Variants in RYR2 observed in about 807,000 individuals in gnomAD.
The protein encoded by RYR2 is cardiac muscle ryanodine receptor-calcium release channel.
Under a neutral mutation model 601.1 loss-of-function variants are expected in RYR2, and 227 were observed. The ratio of observed to expected loss-of-function variants is 0.38; its 90% CI spans 0.34 to 0.42. The LOEUF (loss-of-function observed/expected upper bound fraction) is 0.42. RYR2 is among the 10% of genes least tolerant of loss of function. The probability of loss-of-function intolerance (pLI) is 1.00; values close to 1 mark genes in which losing one functional copy is unlikely to be tolerated. For synonymous variants in RYR2, 2,223 were observed against 2,175.1 expected (o/e 1.02, Z -0.61); for missense variants, 4,646 against 6,156.5 (o/e 0.75, Z 8.21).
intron 3 of RYR2, among the ~76,000 whole-genome samples, chr1:237,348,811 G>A (rs1287453518): frequency 6.6e-6 from 1 of 151,860 alleles, no homozygotes; most frequent in African/African-American, 2.4e-5. Context: ...AAACAATTGG[G>A]GAATCTACAA....
intron 16 of RYR2, among the ~76,000 whole-genome samples, chr1:237,467,539 C>T (rs1421793880): frequency 6.6e-6 from 1 of 152,124 alleles, no homozygotes; most frequent in Non-Finnish European, 1.5e-5. Context: ...GGCTGCTGGA[C>T]CCAGAGCCAG....
At chr1:237,293,503 G>A (rs546432846) in intron 2 of RYR2, among the ~76,000 whole-genome samples, 7 of 152,200 alleles carry the variant, frequency 4.6e-5, no homozygotes, top group East Asian at 1.9e-4. Context: ...CACCGCACCC[G>A]GCCTGCCCCT....
intron 3 of RYR2, among the ~76,000 whole-genome samples, chr1:237,347,868 A>G (rs963760748): frequency 9.2e-5 from 14 of 152,210 alleles, no homozygotes; most frequent in Non-Finnish European, 1.6e-4. Flanking sequence ...TGATTGAGGC[A>G]TTAGAAACTT....
rs2990546 is a variant in RYR2 at position 237,577,016 on chromosome 1, T to A, written c.3598+7697T>A. Among the ~76,000 whole-genome samples, 24 of 152,104 alleles carry A rather than the reference T, an allele frequency of 1.6e-4. No homozygotes were observed. The South Asian group carries it at 2.5e-3, about 16-fold the overall frequency. On this transcript the variant is annotated intron_variant, in intron 29 of 104. Transcript: ENST00000366574. ...CCTCTTTTACGTTGCTCTTAGGAGCTCAAATTGGTCTCTCCACTTTGGAAA... is the reference window on the plus strand; with the variant it reads ...CCTCTTTTACGTTGCTCTTAGGAGCACAAATTGGTCTCTCCACTTTGGAAA...
Position 237,795,923 on chromosome 1 carries a change from T to TGC in RYR2, c.13956+592_13956+593insGC, listed in dbSNP as rs113175607. ...ATGGATACACACACATATGCACGCG[T>TGC]ATGTGTGTACATATGTATGTGTGCA... On this transcript the variant is annotated intron_variant, in intron 96 of 104. Coordinates refer to ENST00000366574, the MANE Select transcript of RYR2 (RefSeq NM_001035.3). 4.1e-4 allele frequency among the ~76,000 whole-genome samples: 10 copies of TGC among 24,146 alleles called. No homozygotes were observed. In the South Asian group the frequency reaches 0.044, roughly 107 times the overall value. 15.8% of individuals were successfully genotyped at this position (24,146 alleles called of 152,430 possible).
rs1689459610 is a variant in RYR2, at chr1:237,718,663, C to CT, written c.10554+146dup. 3.8e-5 allele frequency: 16 copies of CT among 424,342 alleles called. No homozygotes were observed. In the East Asian group the frequency reaches 5.7e-4, roughly 15 times the overall value. The allele number at this position is 424,342 out of a possible 1,614,324, so 26.3% of individuals were successfully genotyped here. On this transcript the variant is annotated intron_variant, in intron 73 of 104. Coordinates refer to ENST00000366574, the MANE Select transcript of RYR2 (RefSeq NM_001035.3). ...TTAGTCATTATCCTACTTGCAAAGC[C>CT]TTTTGTATTAAAAATTCTAAAGATA...
chr1:237,206,705 G>C (rs1040344915), intron 1 of RYR2, among the ~76,000 whole-genome samples: 1 of 152,162 alleles, frequency 6.6e-6, no homozygotes, highest in East Asian at 1.9e-4. Context: ...GAACTATTTA[G>C]TTTGTGTCCA....
At chr1:237,556,841 A>T (rs1266270958) in intron 27 of RYR2, among the ~76,000 whole-genome samples, 1 of 139,596 alleles carries the variant, frequency 7.2e-6, no homozygotes, top group Admixed American at 7.9e-5. Context: ...TATATTAGTT[A>T]TCTATTCCTG....
At position 237,643,318 on chromosome 1, in the gene RYR2, C is replaced by A; in HGVS notation, c.7222-9C>A. 1 of 1,605,828 alleles carries A rather than the reference C, an allele frequency of 6.2e-7. No homozygotes were observed. The highest frequency in any genetic ancestry group is 8.5e-7 in the Non-Finnish European group (1 of 1,176,770). ...AAGTTGTTCTAATGTTTTTTTTTCC[C>A]CTGTATAGTTGATTCATGCCGGGAA... On this transcript the variant is annotated splice_polypyrimidine_tract_variant and intron_variant, in intron 47 of 104. Coordinates refer to ENST00000366574, the MANE Select transcript of RYR2 (RefSeq NM_001035.3).
chr1:237,419,024 G>A (rs538190536), intron 11 of RYR2, among the ~76,000 whole-genome samples: 188 of 152,030 alleles, frequency 1.2e-3, no homozygotes, highest in Non-Finnish European at 1.8e-3. Flanking sequence ...TAAGGAAAGG[G>A]ATTTTAAGTA....
chr1:237,324,777 C>T (rs964432201), intron 2 of RYR2, among the ~76,000 whole-genome samples: 2 of 152,168 alleles, frequency 1.3e-5, no homozygotes, highest in African/African-American at 4.8e-5. Flanking sequence ...TGCTGTCAAA[C>T]TGTCAACATT....
intron 20 of RYR2, among the ~76,000 whole-genome samples, chr1:237,499,821 TTGTTTA>T (rs1664444089): frequency 6.6e-6 from 1 of 152,240 alleles, no homozygotes; most frequent in Non-Finnish European, 1.5e-5. Context: ...GTTGAAGGTT[TTGTTTA>T]TGTTTATGAG....
intron 2 of RYR2, among the ~76,000 whole-genome samples, chr1:237,303,292 CTTTTTTTTTTT>C (rs386370109): frequency 2.3e-5 from 2 of 85,254 alleles, no homozygotes; most frequent in Non-Finnish European, 2.2e-5. Flanking sequence ...CTGCGGTTAT[CTTTTTTTTTTT>C]TTTTTTTTTT....
intron 1 of RYR2, among the ~76,000 whole-genome samples, chr1:237,204,590 A>G (rs1411277131): frequency 5.3e-5 from 8 of 152,038 alleles, no homozygotes; most frequent in African/African-American, 1.9e-4. Context: ...CCATGTCAGT[A>G]GCTCTCATCC....
At chr1:237,616,723 C>T (rs1342825393) in intron 37 of RYR2, among the ~76,000 whole-genome samples, 3 of 152,100 alleles carry the variant, frequency 2.0e-5, no homozygotes, top group Non-Finnish European at 4.4e-5. Flanking sequence ...TGTATTAGTT[C>T]GTTCTCACAC....
intron 1 of RYR2, among the ~76,000 whole-genome samples, chr1:237,094,155 C>T (rs1667260875): frequency 6.6e-6 from 1 of 152,160 alleles, no homozygotes; most frequent in African/African-American, 2.4e-5. Flanking sequence ...AGAGGTGTTC[C>T]TGGAAAAGGA....
chr1:237,463,321 G>A (rs1025652077), intron 16 of RYR2, among the ~76,000 whole-genome samples: 1 of 152,044 alleles, frequency 6.6e-6, no homozygotes, highest in Non-Finnish European at 1.5e-5. Context: ...CAGGGAATCA[G>A]TATTTGTTGC....
At chr1:237,207,720 T>C (rs1681978590) in intron 1 of RYR2, among the ~76,000 whole-genome samples, 1 of 152,198 alleles carries the variant, frequency 6.6e-6, no homozygotes, top group African/African-American at 2.4e-5. Context: ...GGTATTTTAT[T>C]TTAGCAAAAT....
intron 32 of RYR2, among the ~76,000 whole-genome samples, chr1:237,592,483 A>G (rs1272868040): frequency 6.6e-6 from 1 of 151,920 alleles, no homozygotes; most frequent in African/African-American, 2.4e-5. Context: ...AAATATAAAC[A>G]TTAGTGGAGT....
Sources: allele counts gnomAD v4.1 joint callset (sites outside exome capture counted in the v4.1 genomes callset), GRCh38; gene constraint gnomAD v4.1.1; transcripts MANE v1.5; gene names NCBI Gene and HGNC (gene_info 2026-07-23, HGNC 2026-07-21).